KRABD5: variants seen among roughly 807,000 people sequenced by gnomAD.
KRABD5 encodes KRAB domain containing 5.
chr16:31,735,745 G>A, the KRABD5 span, among the ~76,000 whole-genome samples: 2 of 151,970 alleles, frequency 1.3e-5, no homozygotes, highest in African/African-American at 2.4e-5. Flanking sequence ...GAAGGTCTGT[G>A]GCACATTTTT....
the KRABD5 span, among the ~76,000 whole-genome samples, chr16:31,743,836 A>T: frequency 2.1e-4 from 32 of 152,248 alleles, no homozygotes; most frequent in East Asian, 5.4e-3. Flanking sequence ...GAGTTCCTTC[A>T]CATCCCTTAT....
At chr16:31,724,732 C>G in the KRABD5 span, among the ~76,000 whole-genome samples, 13 of 151,446 alleles carry the variant, frequency 8.6e-5, no homozygotes, top group Admixed American at 8.5e-4. Context: ...ACTGTGTTAG[C>G]AAATCTCAAG....
the KRABD5 span, chr16:31,713,631 G>A: frequency 5.9e-5 from 42 of 717,206 alleles, no homozygotes; most frequent in Non-Finnish European, 7.8e-5. Context: ...TCCCGACCCC[G>A]CAGAGCGACC....
chr16:31,734,562 A>G, the KRABD5 span, among the ~76,000 whole-genome samples: 1 of 151,780 alleles, frequency 6.6e-6, no homozygotes, highest in Non-Finnish European at 1.5e-5. Context: ...TTTTATAGCT[A>G]TTTTGTAATA....
At chr16:31,716,732 C>T in the KRABD5 span, among the ~76,000 whole-genome samples, 1 of 152,132 alleles carries the variant, frequency 6.6e-6, no homozygotes, top group East Asian at 1.9e-4. Flanking sequence ...TCCTCAGGTG[C>T]CTGAATCTAG....
chr16:31,726,514 A>G, the KRABD5 span, among the ~76,000 whole-genome samples: 1 of 152,162 alleles, frequency 6.6e-6, no homozygotes, highest in Non-Finnish European at 1.5e-5. Context: ...TAATCCCAGC[A>G]CTTTGGGAGA....
At chr16:31,726,013 G>C in the KRABD5 span, among the ~76,000 whole-genome samples, 7 of 152,070 alleles carry the variant, frequency 4.6e-5, no homozygotes, top group Admixed American at 3.3e-4. Context: ...TTTTGATTTT[G>C]TTGATTGTGC....
chr16:31,723,485 C>T, the KRABD5 span: 6 of 840,282 alleles, frequency 7.1e-6, no homozygotes, highest in Admixed American at 3.2e-5. Context: ...TTATTTCTTT[C>T]TCTTGCTGCT....
chr16:31,728,903 G>A, the KRABD5 span, among the ~76,000 whole-genome samples: 1 of 152,070 alleles, frequency 6.6e-6, no homozygotes, highest in Admixed American at 6.5e-5. Context: ...TTGTATTTCT[G>A]TATATTTCTC....
At chr16:31,718,326 C>A in the KRABD5 span, among the ~76,000 whole-genome samples, 1 of 152,150 alleles carries the variant, frequency 6.6e-6, no homozygotes, top group Admixed American at 6.5e-5. Context: ...CTGGTCTCCA[C>A]CTGGGATCCA....
chr16:31,714,550 A>AC, the KRABD5 span: 1 of 378,462 alleles, frequency 2.6e-6, no homozygotes, highest in South Asian at 1.9e-5. Flanking sequence ...GGAAGAAGGC[A>AC]CCCCACCTCG....
the KRABD5 span, among the ~76,000 whole-genome samples, chr16:31,729,316 G>T: frequency 6.6e-6 from 1 of 152,190 alleles, no homozygotes; most frequent in Admixed American, 6.5e-5. Flanking sequence ...GATTTATAAG[G>T]AATACAAATT....
At chr16:31,740,596 C>T in the KRABD5 span, among the ~76,000 whole-genome samples, 13 of 151,618 alleles carry the variant, frequency 8.6e-5, no homozygotes, top group African/African-American at 3.2e-4. Context: ...TCACTTGAGG[C>T]CAGCCTGGGC....
chr16:31,757,133 C>T, the KRABD5 span: 2 of 152,070 alleles, frequency 1.3e-5, no homozygotes, highest in Non-Finnish European at 2.9e-5. Flanking sequence ...TAAACTATTA[C>T]TTATAAGTTC....
chr16:31,755,133 A>C, the KRABD5 span: 2 of 490,150 alleles, frequency 4.1e-6, no homozygotes, highest in South Asian at 1.5e-5. Flanking sequence ...AAACCCTATA[A>C]ATGTAAGGAA....
the KRABD5 span, among the ~76,000 whole-genome samples, chr16:31,746,367 CT>C: frequency 6.6e-6 from 1 of 152,136 alleles, no homozygotes; most frequent in East Asian, 1.9e-4. Context: ...TTCTCCTTCG[CT>C]TTTGTAGCTT....
chr16:31,737,114 T>C, the KRABD5 span, among the ~76,000 whole-genome samples: 2 of 152,208 alleles, frequency 1.3e-5, no homozygotes, highest in East Asian at 1.9e-4. Context: ...AGGGAAAAGA[T>C]GAAAGCTTTT....
At chr16:31,717,986 A>G in the KRABD5 span, among the ~76,000 whole-genome samples, 8 of 152,256 alleles carry the variant, frequency 5.3e-5, no homozygotes, top group East Asian at 1.4e-3. Context: ...CTGTCTTTCC[A>G]TGCCCCTGGC....
chr16:31,758,339 A>G, the KRABD5 span: 1 of 152,220 alleles, frequency 6.6e-6, no homozygotes, highest in Admixed American at 6.5e-5. Flanking sequence ...GAAAGAAGGA[A>G]TGAAATCTAC....
Sources: gnomAD v4.1 joint callset for allele counts (sites outside exome capture counted in the v4.1 genomes callset) on GRCh38, gnomAD v4.1.1 for gene constraint, MANE v1.5 for transcripts, NCBI Gene and HGNC (gene_info 2026-07-23, HGNC 2026-07-21) for gene names.